BDNF: variants seen among roughly 807,000 people sequenced by gnomAD.
BDNF encodes neurotrophic factor BDNF precursor form.
BDNF carries 1 observed loss-of-function variant against 19.5 expected under a neutral mutation model. The observed-to-expected ratio is 0.05, with a 90% CI of 0.02 to 0.24. The LOEUF (loss-of-function observed/expected upper bound fraction) is 0.24. Ranked by LOEUF, BDNF falls within the 10% of genes least tolerant of loss-of-function variation. The probability of loss-of-function intolerance (pLI) is 1.00; values close to 1 mark genes in which losing one functional copy is unlikely to be tolerated. For missense variants in BDNF, 195 were observed against 317.6 expected, an observed-to-expected ratio of 0.61 and a Z score of 2.93; for synonymous variants, 100 against 121.6, an observed-to-expected ratio of 0.82 and a Z score of 1.17.
intron 1 of BDNF, among the ~76,000 whole-genome samples, chr11:27,719,297 C>T (rs531887922): frequency 3.3e-5 from 5 of 152,342 alleles, no homozygotes; most frequent in Admixed American, 2.6e-4. Flanking sequence ...CCGGCGCCTC[C>T]GGACGCAACC....
At chr11:27,664,645 T>TGG (rs1332708901) in intron 1 of BDNF, among the ~76,000 whole-genome samples, 1 of 152,076 alleles carries the variant, frequency 6.6e-6, no homozygotes, top group Non-Finnish European at 1.5e-5. Context: ...AAATTAGGTG[T>TGG]GGTGGTGCAC....
chr11:27,700,748 C>G, upstream of BDNF: 12 of 1,188,502 alleles, frequency 1.0e-5, no homozygotes, highest in South Asian at 1.9e-4. Flanking sequence ...ACAGGACGCC[C>G]GCGGCTTCGA....
intron 1 of BDNF, among the ~76,000 whole-genome samples, chr11:27,670,619 A>C (rs968374376): frequency 1.3e-5 from 2 of 152,236 alleles, no homozygotes; most frequent in African/African-American, 4.8e-5. Context: ...GACACTTCTC[A>C]AAAGAAGACA....
At chr11:27,703,855 C>T (rs140708632), upstream of BDNF, among the ~76,000 whole-genome samples, 27 of 152,286 alleles carry the variant, frequency 1.8e-4, no homozygotes, top group African/African-American at 6.3e-4. Context: ...ATACTGTATG[C>T]GACCAGCTTA....
chr11:27,698,471 C>T (rs1165201867), intron 1 of BDNF, among the ~76,000 whole-genome samples: 1 of 152,008 alleles, frequency 6.6e-6, no homozygotes. Context: ...AAGGCACACA[C>T]GTTCATACAA....
At chr11:27,690,912 AT>A (rs1284486092) in intron 1 of BDNF, among the ~76,000 whole-genome samples, 1 of 151,852 alleles carries the variant, frequency 6.6e-6, no homozygotes, top group Admixed American at 6.6e-5. Flanking sequence ...AAAAAAAAAA[AT>A]CCATCATAAA....
At chr11:27,663,843 C>T (rs773652246) in intron 1 of BDNF, among the ~76,000 whole-genome samples, 71 of 152,182 alleles carry the variant, frequency 4.7e-4, no homozygotes, top group Non-Finnish European at 9.0e-4. Flanking sequence ...TAAGATACTA[C>T]TTTGTAGGTC....
rs527936012 is a variant in BDNF at position 27,666,650 on chromosome 11, T to TTCAA, written c.-21-8069_-21-8066dup. On this transcript the variant is annotated intron_variant, in intron 1 of 1. Transcript: ENST00000356660. ...CACATGCACAAGCTTCAGTAGCTGA[T>TTCAA]TCAATCAAGTGGAAGAAAGGGATTG... Among the ~76,000 whole-genome samples the TTCAA allele has an allele frequency of 7.0e-4, 107 of 152,168 alleles. 5 individuals are homozygous for TTCAA. In the South Asian group the frequency reaches 0.022, roughly 31 times the overall value.
chr11:27,675,817 CTG>C (rs778734166), intron 1 of BDNF: 1 of 151,918 alleles, frequency 6.6e-6, no homozygotes, highest in African/African-American at 2.4e-5. Flanking sequence ...CACTCACAGA[CTG>C]TGCCAACAAG....
At chr11:27,686,339 A>G (rs1235780967) in intron 1 of BDNF, among the ~76,000 whole-genome samples, 1 of 151,608 alleles carries the variant, frequency 6.6e-6, no homozygotes, top group Admixed American at 6.6e-5. Context: ...ATGGGTCTTG[A>G]CTCTTTATCC....
At chr11:27,694,327 T>C (rs925841143) in intron 1 of BDNF, among the ~76,000 whole-genome samples, 1 of 152,190 alleles carries the variant, frequency 6.6e-6, no homozygotes, top group African/African-American at 2.4e-5. Context: ...GGGAAAAATA[T>C]TATTAAACCT....
At chr11:27,716,784 T>C (rs1860530512) in intron 1 of BDNF, among the ~76,000 whole-genome samples, 1 of 152,188 alleles carries the variant, frequency 6.6e-6, no homozygotes, top group African/African-American at 2.4e-5. Context: ...GAGAAGTATA[T>C]TTAATAAAAA....
At chr11:27,674,984 G>T in intron 1 of BDNF, 1 of 838,416 alleles carries the variant, frequency 1.2e-6, no homozygotes, top group Non-Finnish European at 1.4e-6. Context: ...ACCATTTATA[G>T]CTGAGGAAAC....
chr11:27,708,825 C>CTTTTTTT (rs67977614), intron 1 of BDNF, among the ~76,000 whole-genome samples: 5 of 112,458 alleles, frequency 4.4e-5, no homozygotes, highest in Admixed American at 2.2e-4. Flanking sequence ...TAGAATTCCT[C>CTTTTTTT]TTTTTTTTTT....
intron 1 of BDNF, chr11:27,699,542 G>A: frequency 3.1e-6 from 5 of 1,589,028 alleles, no homozygotes; most frequent in African/African-American, 1.3e-5. Flanking sequence ...CGGCCTGCCC[G>A]AGAGTGTCGC....
chr11:27,713,733 A>G (rs923909372), intron 1 of BDNF, among the ~76,000 whole-genome samples: 1 of 152,166 alleles, frequency 6.6e-6, no homozygotes, highest in African/African-American at 2.4e-5. Flanking sequence ...CAGGTTGCGA[A>G]GATTTTGGAG....
chr11:27,703,351 A>T (rs1443684964), upstream of BDNF, among the ~76,000 whole-genome samples: 1 of 152,228 alleles, frequency 6.6e-6, no homozygotes, highest in Non-Finnish European at 1.5e-5. Flanking sequence ...CCAAACTTTA[A>T]CTTTGTTAAC....
intron 1 of BDNF, among the ~76,000 whole-genome samples, chr11:27,671,362 TA>T (rs1307592549): frequency 6.6e-6 from 1 of 151,966 alleles, no homozygotes; most frequent in African/African-American, 2.4e-5. Context: ...TTAATGAATT[TA>T]TGGTGAAATC....
At chr11:27,667,656 C>T (rs1247957234) in intron 1 of BDNF, among the ~76,000 whole-genome samples, 1 of 152,002 alleles carries the variant, frequency 6.6e-6, no homozygotes, top group African/African-American at 2.4e-5. Flanking sequence ...CAACAAAGAT[C>T]AAAAGAGACA....
Sources: allele counts gnomAD v4.1 joint callset (sites outside exome capture counted in the v4.1 genomes callset), GRCh38; gene constraint gnomAD v4.1.1; transcripts MANE v1.5; gene names NCBI Gene and HGNC (gene_info 2026-07-23, HGNC 2026-07-21).